Variants in COIL observed in about 807,000 individuals in gnomAD.
COIL encodes coilin.
In COIL, 28 loss-of-function variants were observed where a neutral mutation model predicts 51.6. The observed-to-expected ratio is 0.54, with a 90% confidence interval of 0.40 to 0.74. The LOEUF (loss-of-function observed/expected upper bound fraction) is 0.74, where lower values mean the gene tolerates loss of function less well. Among genes scored for constraint, COIL ranks in the 30% least tolerant of loss-of-function variants. The pLI, the probability that COIL is intolerant of heterozygous loss-of-function variation, is 0.00. For synonymous variants in COIL, 233 were observed against 255.8 expected, an observed-to-expected ratio of 0.91 and a Z score of 0.85; for missense variants, 667 against 685.9, an observed-to-expected ratio of 0.97 and a Z score of 0.31.
intron 5 of COIL, among the ~76,000 whole-genome samples, chr17:56,943,052 T>C (rs931661165): frequency 6.6e-6 from 1 of 152,198 alleles, no homozygotes; most frequent in Non-Finnish European, 1.5e-5. Context: ...ACTAACTTTC[T>C]TTTTCTCTTT....
chr17:56,959,983 G>A (rs1434277484), intron 1 of COIL, among the ~76,000 whole-genome samples: 1 of 151,280 alleles, frequency 6.6e-6, no homozygotes, highest in Admixed American at 6.6e-5. Flanking sequence ...TGGGAAGCCG[G>A]GAGGATCACT....
At chr17:56,941,478 G>T (rs1038350960) in intron 6 of COIL, among the ~76,000 whole-genome samples, 3 of 152,246 alleles carry the variant, frequency 2.0e-5, no homozygotes, top group African/African-American at 7.2e-5. Context: ...GCTGAGGCAT[G>T]AGAATCGCTC....
At position 56,950,065 on chromosome 17, in the gene COIL, T is replaced by C; in HGVS notation, c.1177A>G (p.Arg393Gly). Reference sequence around the variant, plus strand: ...AGGTTCTCTTCTCTACCCCATCCTCTTCCTAAACTAGCAGGGAGAGACACA... The same window carrying C: ...AGGTTCTCTTCTCTACCCCATCCTCCTCCTAAACTAGCAGGGAGAGACACA... Reference protein sequence around the residue: ...PSVSLPASLGRGWGREENLFS... With the variant: ...PSVSLPASLGGGWGREENLFS... The change falls in exon 2 of 7, where the codon AGA becomes GGA. Residue 393 changes from arginine to glycine, a missense_variant. Transcript: ENST00000240316. 6.2e-7 allele frequency: 1 copy of C among 1,614,090 alleles called. No individual in the cohort carries two copies. The highest frequency in any genetic ancestry group is 8.5e-7 in the Non-Finnish European group (1 of 1,180,012).
At chr17:56,960,407 C>T (rs1198888057) in intron 1 of COIL, among the ~76,000 whole-genome samples, 1 of 150,404 alleles carries the variant, frequency 6.6e-6, no homozygotes, top group Non-Finnish European at 1.5e-5. Context: ...GCCTGTAGTC[C>T]CAGCTACTCG....
chr17:56,939,043 C>A lies in COIL; in HGVS notation c.*28G>T. On this transcript the variant is annotated 3_prime_UTR_variant, in exon 7 of 7. Transcript: ENST00000240316. ...TAGTCACTTTCACAAACAAGACATT[C>A]ATAAACTATAAGGTGGAGAGGTCAT... The A allele has an allele frequency of 7.8e-7, 1 of 1,276,432 alleles. No individual in the cohort carries two copies. The highest frequency in any genetic ancestry group is 1.1e-6 in the Non-Finnish European group (1 of 890,740). 79.1% of individuals were successfully genotyped at this position (1,276,432 alleles called of 1,614,324 possible).
chr17:56,952,126 A>G (rs763673646), intron 1 of COIL: 3 of 443,374 alleles, frequency 6.8e-6, no homozygotes, highest in Non-Finnish European at 1.3e-5. Context: ...CCAGTTTCTA[A>G]CTATAATGAT....
chr17:56,947,116 G>A (rs1420435461), intron 4 of COIL, among the ~76,000 whole-genome samples: 2 of 152,118 alleles, frequency 1.3e-5, no homozygotes, highest in African/African-American at 4.8e-5. Context: ...GGAGACACAT[G>A]GTAGCCTCCG....
chr17:56,956,044 A>T (rs577731008), intron 1 of COIL, among the ~76,000 whole-genome samples: 1 of 152,228 alleles, frequency 6.6e-6, no homozygotes. Flanking sequence ...TTGTAGTTTA[A>T]AAGTATAAGT....
intron 1 of COIL, 160 bp downstream of exon 1, chr17:56,960,615 C>G (rs1342447245): frequency 1.7e-5 from 9 of 514,348 alleles, no homozygotes; most frequent in Non-Finnish European, 2.6e-5. Context: ...CCGGGGTTCG[C>G]GAACGTGCAT....
intron 5 of COIL, among the ~76,000 whole-genome samples, chr17:56,945,948 T>G (rs1430975559): frequency 1.3e-5 from 2 of 152,244 alleles, no homozygotes; most frequent in Non-Finnish European, 2.9e-5. Context: ...ACTCCTGACC[T>G]CAAGTGATCC....
intron 6 of COIL, 79 bp from the exon 7 acceptor site, chr17:56,939,233 C>T: frequency 3.7e-6 from 3 of 806,106 alleles, no homozygotes; most frequent in Non-Finnish European, 6.5e-6. Flanking sequence ...GTAAATTTTC[C>T]GTCTGTGTAG....
Position 56,950,196 on chromosome 17 carries a change from C to T in COIL, c.1046G>A (p.Gly349Glu), listed in dbSNP as rs748299309. The T allele has an allele frequency of 1.9e-6, 3 of 1,614,170 alleles. No individual in the cohort carries two copies. The highest frequency in any genetic ancestry group is 4.5e-5 in the East Asian group (2 of 44,878). Residue 349 changes from glycine (G) to glutamate (E), a missense_variant, in exon 2 of 7, where the codon GGA (glycine) becomes GAA (glutamate). Transcript: ENST00000240316. ...CAGCCCTGGGCCTGGACGACCTCTTCCTGCAAAAAGGCCTACTGTCTTTAA... is the reference window on the plus strand; with the variant it reads ...CAGCCCTGGGCCTGGACGACCTCTTTCTGCAAAAAGGCCTACTGTCTTTAA... ...GFLKTVGLFA[G>E]RGRPGPGLSS...
At chr17:56,944,107 T>C (rs2144392928) in intron 5 of COIL, among the ~76,000 whole-genome samples, 1 of 151,998 alleles carries the variant, frequency 6.6e-6, no homozygotes, top group Non-Finnish European at 1.5e-5. Flanking sequence ...GCTCAAGTGA[T>C]CCTCCCACCT....
intron 1 of COIL, among the ~76,000 whole-genome samples, chr17:56,959,237 G>C (rs1329157689): frequency 6.6e-6 from 1 of 152,060 alleles, no homozygotes; most frequent in Non-Finnish European, 1.5e-5. Flanking sequence ...CCAACTACTC[G>C]GGAGGCTGAG....
At position 56,960,871 on chromosome 17, in the gene COIL, C is replaced by G; in HGVS notation, c.149G>C (p.Gly50Ala). Residue 50 changes from glycine (G) to alanine (A), a missense_variant, in exon 1 of 7, where the codon GGC (glycine) becomes GCC (alanine). By Grantham distance (60) the Gly-to-Ala change is moderately conservative. Transcript: ENST00000240316. ...DLISLIRQRF[G>A]FSSGAFLGLY... ...GCCTAGGAAGGCCCCAGAACTGAAG[C>G]CGAAGCGCTGGCGGATGAGACTAAT... 6.2e-7 allele frequency: 1 copy of G among 1,614,042 alleles called. No individual in the cohort carries two copies. The highest frequency in any genetic ancestry group is 8.5e-7 in the Non-Finnish European group (1 of 1,179,962).
rs745734198 is a variant in COIL at position 56,950,083 on chromosome 17, G to A, written c.1159C>T (p.Leu387Phe). The change falls in exon 2 of 7, where the codon CTC (leucine) becomes TTC (phenylalanine). Residue 387 changes from leucine to phenylalanine, a missense_variant. Coordinates refer to ENST00000240316, the MANE Select transcript of COIL (RefSeq NM_004645.3). Reference sequence around the variant, plus strand: ...CATCCTCTTCCTAAACTAGCAGGGAGAGACACACTGGGAGAAGCACCAGGA... The same window carrying A: ...CATCCTCTTCCTAAACTAGCAGGGAAAGACACACTGGGAGAAGCACCAGGA... Reference protein sequence around the residue: ...QAPGASPSVSLPASLGRGWGR... With the variant: ...QAPGASPSVSFPASLGRGWGR... 3.7e-6 allele frequency: 6 copies of A among 1,613,978 alleles called. No individual in the cohort carries two copies. Among genetic ancestry groups the A allele is most frequent in the Non-Finnish European group, 5.1e-6 (6 of 1,180,012 alleles).
chr17:56,946,145 T>C (rs971756324), intron 5 of COIL, among the ~76,000 whole-genome samples: 1 of 152,246 alleles, frequency 6.6e-6, no homozygotes, highest in South Asian at 2.1e-4. Context: ...TTTCATAGCA[T>C]TTCCTGAGTC....
chr17:56,951,620 C>A (rs1485893783), intron 1 of COIL: 1 of 152,644 alleles, frequency 6.6e-6, no homozygotes, highest in Non-Finnish European at 1.5e-5. Flanking sequence ...TATTGGACGT[C>A]CAGATATCTG....
intron 1 of COIL, among the ~76,000 whole-genome samples, chr17:56,954,833 TGA>T (rs1470121860): frequency 6.6e-6 from 1 of 151,950 alleles, no homozygotes; most frequent in Admixed American, 6.6e-5. Flanking sequence ...ATATTAAGAT[TGA>T]GAGGCAAAAT....
Sources: allele counts gnomAD v4.1 joint callset (sites outside exome capture counted in the v4.1 genomes callset), GRCh38; gene constraint gnomAD v4.1.1; transcripts MANE v1.5; gene names NCBI Gene and HGNC (gene_info 2026-07-23, HGNC 2026-07-21).